Variants in TRDN observed in about 807,000 individuals in gnomAD.
The protein encoded by TRDN is triadin.
A neutral mutation model predicts 149.7 loss-of-function variants in TRDN; 161 were observed. That is an observed-to-expected ratio of 1.08 (90% CI 0.95 to 1.23). The LOEUF is 1.23. TRDN is among the 50% of genes most tolerant of loss of function. The pLI, the probability that TRDN is intolerant of heterozygous loss-of-function variation, is 0.00. For missense variants in TRDN, 896 were observed against 823.5 expected (o/e 1.09, Z -1.08); for synonymous variants, 294 against 250.5 (o/e 1.17, Z -1.64).
rs375079402 is a variant in TRDN at position 123,497,221 on chromosome 6, G to A, written c.825C>T (p.Asp275=). 1.0e-5 allele frequency: 16 copies of A among 1,558,556 alleles called. No individual in the cohort carries two copies. In the African/African-American group the frequency reaches 1.5e-4, roughly 15 times the overall value. Residue 275 remains aspartate (D), a synonymous_variant, in exon 9 of 41, where the codon GAC becomes GAT. Transcript: ENST00000334268. ...GTTTTAAATCCCCATGGACAAATAT[G>A]TCAATCATATATCGACAGAATGCAT... The part of the protein sequence containing the change: ...DQYAFCRYMI[D]IFVHGDLKPG...
intron 7 of TRDN, among the ~76,000 whole-genome samples, chr6:123,507,702 C>T (rs1286868438): frequency 1.3e-5 from 2 of 151,952 alleles, no homozygotes; most frequent in Admixed American, 1.3e-4. Context: ...ATTCAAATCA[C>T]CCAGTTTTAT....
chr6:123,433,085 G>A (rs1302820582), intron 12 of TRDN, among the ~76,000 whole-genome samples: 2 of 143,316 alleles, frequency 1.4e-5, no homozygotes, highest in Non-Finnish European at 3.1e-5. Flanking sequence ...ACCTATACAT[G>A]TTCCTGCATA....
In TRDN at chr6:123,265,426, G is replaced by A. The variant is rs1776907857; in HGVS notation, c.1784-88C>T. The A allele has an allele frequency of 3.6e-6, 3 of 835,280 alleles. No homozygotes were observed. The South Asian group carries it at 6.4e-5, about 18-fold the overall frequency. The allele number at this position is 835,280 out of a possible 1,614,324, so 51.7% of individuals were successfully genotyped here. ...TCAGCCCTTTATATTTCCTATTTTT[G>A]CTTTTTATTGTAAAAATAAGACTAA... On this transcript the variant is annotated intron_variant, in intron 32 of 40. Transcript: ENST00000334268.
chr6:123,220,777 T>C (rs1274704728), intron 40 of TRDN, among the ~76,000 whole-genome samples: 2 of 151,762 alleles, frequency 1.3e-5, no homozygotes, highest in Non-Finnish European at 2.9e-5. Flanking sequence ...CAGACAAATA[T>C]CTAGCTCTTT....
At chr6:123,560,533 GACA>G (rs1008261071) in intron 2 of TRDN, among the ~76,000 whole-genome samples, 7 of 152,062 alleles carry the variant, frequency 4.6e-5, no homozygotes, top group African/African-American at 1.4e-4. Flanking sequence ...CATCACTCAG[GACA>G]ACGCTTATCC....
chr6:123,476,930 A>C (rs1365727839), intron 9 of TRDN, among the ~76,000 whole-genome samples: 2 of 149,426 alleles, frequency 1.3e-5, no homozygotes, highest in African/African-American at 4.9e-5. Flanking sequence ...TAAAGACTTA[A>C]ACGTTAGACC....
chr6:123,620,036 C>T (rs182731392), intron 1 of TRDN, among the ~76,000 whole-genome samples: 2 of 152,170 alleles, frequency 1.3e-5, no homozygotes, highest in African/African-American at 4.8e-5. Flanking sequence ...TTTCCATTGC[C>T]CATGAAAAGA....
Position 123,260,603 on chromosome 6 carries a change from A to G in TRDN, c.1831+9T>C, listed in dbSNP as rs560317285. ...GTATCTTATCTCCTCTGAAAAAGTA[A>G]ATATTTACCTGATTCTGTGACTTCT... On this transcript the variant is annotated intron_variant, in intron 34 of 40. Transcript: ENST00000334268. 2.0e-6 allele frequency: 3 copies of G among 1,474,374 alleles called. No individual in the cohort carries two copies. In the South Asian group the frequency reaches 4.1e-5, roughly 20 times the overall value. 91.3% of individuals were successfully genotyped at this position (1,474,374 alleles called of 1,614,324 possible).
At chr6:123,279,157 T>C (rs1777488766) in intron 24 of TRDN, 75 bp from the exon 25 acceptor site, 8 of 1,182,152 alleles carry the variant, frequency 6.8e-6, no homozygotes, top group Non-Finnish European at 9.4e-6. Context: ...GAATATGATA[T>C]AATATATTTG....
intron 9 of TRDN, among the ~76,000 whole-genome samples, 185 bp from the exon 10 acceptor site, chr6:123,465,168 T>G (rs1161067227): frequency 2.0e-5 from 3 of 152,154 alleles, no homozygotes; most frequent in African/African-American, 7.2e-5. Context: ...CCTTCGCGGA[T>G]TCAGTTATCT....
intron 3 of TRDN, 130 bp downstream of exon 3, chr6:123,548,324 C>T: frequency 1.8e-6 from 1 of 560,640 alleles, no homozygotes; most frequent in Non-Finnish European, 2.7e-6. Context: ...ATGCTTTTAG[C>T]AGTCAGAAGT....
chr6:123,585,344 G>A (rs1199783191), intron 1 of TRDN, among the ~76,000 whole-genome samples: 1 of 151,968 alleles, frequency 6.6e-6, no homozygotes, highest in Non-Finnish European at 1.5e-5. Flanking sequence ...CAGAGTTGGG[G>A]ACTTTTAAGA....
In TRDN at chr6:123,377,745, G is replaced by T. The variant is rs773907258; in HGVS notation, c.1220-3C>A. On this transcript the variant is annotated splice_region_variant and splice_polypyrimidine_tract_variant and intron_variant, in intron 17 of 40. Transcript: ENST00000334268. The stretch of plus-strand genomic sequence containing the variant: ...GTGTTCTTTCTTTGGTGACTTTGCT[G>T]TATCAAAAAGGAAAGAAAAAAAAAT... 1.2e-6 allele frequency: 2 copies of T among 1,612,578 alleles called. No individual in the cohort carries two copies. Among genetic ancestry groups the T allele is most frequent in the Non-Finnish European group, 1.7e-6 (2 of 1,179,480 alleles).
chr6:123,626,985 G>C (rs1205327162), intron 1 of TRDN, among the ~76,000 whole-genome samples: 1 of 151,528 alleles, frequency 6.6e-6, no homozygotes, highest in African/African-American at 2.4e-5. Flanking sequence ...CTGGAGTGCA[G>C]TGGCACGATC....
intron 5 of TRDN, among the ~76,000 whole-genome samples, chr6:123,517,075 A>G (rs1779445768): frequency 6.6e-6 from 1 of 152,160 alleles, no homozygotes; most frequent in African/African-American, 2.4e-5. Context: ...CAATAAGCTA[A>G]TGACTAGTGG....
intron 10 of TRDN, among the ~76,000 whole-genome samples, chr6:123,456,161 A>G (rs2114674562): frequency 6.6e-6 from 1 of 152,334 alleles, no homozygotes; most frequent in East Asian, 1.9e-4. Flanking sequence ...AATTACTAGT[A>G]TATGGGACAC....
intron 4 of TRDN, among the ~76,000 whole-genome samples, chr6:123,536,828 G>A (rs2114375345): frequency 6.6e-6 from 1 of 152,156 alleles, no homozygotes; most frequent in South Asian, 2.1e-4. Flanking sequence ...AGGCTGCAGT[G>A]AGCCATGATG....
chr6:123,320,718 C>T (rs537157047), intron 23 of TRDN, among the ~76,000 whole-genome samples: 6 of 152,020 alleles, frequency 3.9e-5, no homozygotes, highest in Non-Finnish European at 8.8e-5. Flanking sequence ...ACACCACATT[C>T]TACTTCTTAT....
intron 39 of TRDN, among the ~76,000 whole-genome samples, chr6:123,223,669 A>ACTTCTTCC (rs1554214177): frequency 1.8e-5 from 2 of 108,270 alleles, no homozygotes; most frequent in African/African-American, 6.1e-5. Context: ...CCAGCCTTCC[A>ACTTCTTCC]TTTCTTCCTT....
Sources: gnomAD v4.1 joint callset for allele counts (sites outside exome capture counted in the v4.1 genomes callset) on GRCh38, gnomAD v4.1.1 for gene constraint, MANE v1.5 for transcripts, NCBI Gene and HGNC (gene_info 2026-07-23, HGNC 2026-07-21) for gene names.